Variants in DPYD observed in about 807,000 individuals in gnomAD.
DPYD encodes dihydropyrimidine dehydrogenase [NADP(+)].
Under a neutral mutation model 116.2 loss-of-function variants are expected in DPYD, and 109 were observed. The observed-to-expected ratio is 0.94, with a 90% CI of 0.80 to 1.10. The LOEUF (loss-of-function observed/expected upper bound fraction) is 1.10. Ranked by LOEUF, DPYD falls within the 50% of genes least tolerant of loss-of-function variation. DPYD has a pLI of 0.00. For synonymous variants in DPYD, 440 were observed against 432.0 expected, an observed-to-expected ratio of 1.02 and a Z score of -0.23; for missense variants, 1,302 against 1,254.5, an observed-to-expected ratio of 1.04 and a Z score of -0.57.
intron 3 of DPYD, among the ~76,000 whole-genome samples, chr1:97,822,329 T>G (rs1668987318): frequency 6.8e-6 from 1 of 148,138 alleles, no homozygotes; most frequent in Admixed American, 6.8e-5. Flanking sequence ...TCTGTATATA[T>G]ACACAGATTT....
At chr1:97,737,334 C>T (rs1240535651) in intron 4 of DPYD, among the ~76,000 whole-genome samples, 3 of 152,050 alleles carry the variant, frequency 2.0e-5, no homozygotes, top group African/African-American at 7.2e-5. Flanking sequence ...GAAATCTTAT[C>T]ACTACTTTTT....
At chr1:97,548,154 A>G (rs924597318) in intron 12 of DPYD, among the ~76,000 whole-genome samples, 5 of 152,220 alleles carry the variant, frequency 3.3e-5, no homozygotes, top group African/African-American at 1.2e-4. Context: ...GTAAAAAGGC[A>G]TAGTGTGAGC....
chr1:97,816,559 G>A lies in DPYD; in HGVS notation c.233+11555C>T, dbSNP rs1411918298. On this transcript the variant is annotated intron_variant, in intron 3 of 22. Coordinates refer to ENST00000370192, the MANE Select transcript of DPYD (RefSeq NM_000110.4). ...ATCATAAATAAACTAACACAATGTT[G>A]TCCTTTTATAAGTACCATACTATAC... 2.6e-5 allele frequency among the ~76,000 whole-genome samples: 4 copies of A among 152,040 alleles called. 1 individual carries two copies. Among genetic ancestry groups the A allele is most frequent in the Non-Finnish European group, 5.9e-5 (4 of 68,004 alleles).
intron 3 of DPYD, among the ~76,000 whole-genome samples, chr1:97,766,643 A>C (rs997945763): frequency 6.6e-6 from 1 of 152,154 alleles, no homozygotes; most frequent in Non-Finnish European, 1.5e-5. Flanking sequence ...GTGCTTCTAG[A>C]AATCTTAAAG....
At chr1:97,719,138 C>T (rs956245492) in intron 5 of DPYD, among the ~76,000 whole-genome samples, 2 of 94,516 alleles carry the variant, frequency 2.1e-5, no homozygotes, top group African/African-American at 8.5e-5. Flanking sequence ...ATAGGAATGA[C>T]AACACAAGAT....
intron 20 of DPYD, among the ~76,000 whole-genome samples, chr1:97,191,613 T>C (rs1374003571): frequency 6.6e-6 from 1 of 152,186 alleles, no homozygotes; most frequent in Non-Finnish European, 1.5e-5. Flanking sequence ...TATTTGAATA[T>C]GTAAGTTTTG....
intron 20 of DPYD, among the ~76,000 whole-genome samples, chr1:97,128,742 G>A (rs1027650871): frequency 2.6e-5 from 4 of 152,154 alleles, no homozygotes; most frequent in African/African-American, 7.2e-5. Flanking sequence ...ATGAGCAGAA[G>A]TCTGGAATTG....
At chr1:97,344,964 T>C (rs1669770161) in intron 16 of DPYD, among the ~76,000 whole-genome samples, 1 of 151,970 alleles carries the variant, frequency 6.6e-6, no homozygotes, top group African/African-American at 2.4e-5. Context: ...AAGTGACTGC[T>C]TCCCCACACT....
chr1:97,283,607 A>T (rs1017912438), intron 18 of DPYD, among the ~76,000 whole-genome samples: 3 of 152,032 alleles, frequency 2.0e-5, no homozygotes, highest in African/African-American at 7.2e-5. Flanking sequence ...TTTTATTATA[A>T]CTCAATTTAA....
At chr1:97,243,109 G>T (rs1193246427) in intron 18 of DPYD, among the ~76,000 whole-genome samples, 1 of 151,830 alleles carries the variant, frequency 6.6e-6, no homozygotes, top group Admixed American at 6.6e-5. Context: ...TTGACAGCAA[G>T]ATGCAACAGA....
chr1:97,485,619 C>A (rs1419247428), intron 13 of DPYD, among the ~76,000 whole-genome samples: 1 of 146,476 alleles, frequency 6.8e-6, no homozygotes, highest in Non-Finnish European at 1.5e-5. Context: ...TTAATCAATT[C>A]ATTGAATTTT....
At chr1:97,121,402 A>C (rs1035018036) in intron 20 of DPYD, among the ~76,000 whole-genome samples, 1 of 152,098 alleles carries the variant, frequency 6.6e-6, no homozygotes, top group African/African-American at 2.4e-5. Flanking sequence ...ATATCACTTT[A>C]TAATTTACTT....
rs1650420690 is a variant in DPYD, at chr1:97,098,380, T to C, written c.2766+109A>G. ...GATGTTTTTAAAACTTTCATTATAA[T>C]TCTAAAACCAAATTAGTGATACATT... On this transcript the variant is annotated intron_variant, in intron 21 of 22. Transcript: ENST00000370192. 3.7e-6 allele frequency: 5 copies of C among 1,350,972 alleles called. No individual in the cohort carries two copies. In the Admixed American group the frequency reaches 9.5e-5, roughly 26 times the overall value. 83.7% of individuals were successfully genotyped at this position (1,350,972 alleles called of 1,614,324 possible). A position where few individuals can be genotyped will look rare whatever the true frequency, so the allele number is the denominator to read the frequency against.
At chr1:97,575,793 C>T (rs932352076) in intron 10 of DPYD, among the ~76,000 whole-genome samples, 2 of 152,120 alleles carry the variant, frequency 1.3e-5, no homozygotes, top group Admixed American at 6.5e-5. Flanking sequence ...GGGGAGAACA[C>T]CATCTCATTA....
At chr1:97,241,111 C>T (rs548779158) in intron 18 of DPYD, among the ~76,000 whole-genome samples, 51 of 151,980 alleles carry the variant, frequency 3.4e-4, no homozygotes, top group African/African-American at 1.2e-3. Context: ...ATGTTTTCTC[C>T]AAGTCTTCCT....
At chr1:97,756,799 A>G (rs1665270456) in intron 3 of DPYD, among the ~76,000 whole-genome samples, 1 of 152,178 alleles carries the variant, frequency 6.6e-6, no homozygotes, top group African/African-American at 2.4e-5. Context: ...TAATGCTAAT[A>G]CAAAAGCAGT....
chr1:97,125,063 A>G (rs1350526662), intron 20 of DPYD, among the ~76,000 whole-genome samples: 3 of 152,154 alleles, frequency 2.0e-5, no homozygotes, highest in African/African-American at 4.8e-5. Flanking sequence ...ACCTTTTTAA[A>G]AGGCTTAAAG....
At chr1:97,239,976 C>T (rs1662217198) in intron 18 of DPYD, among the ~76,000 whole-genome samples, 1 of 152,010 alleles carries the variant, frequency 6.6e-6, no homozygotes, top group Non-Finnish European at 1.5e-5. Flanking sequence ...TCAGAGTGAG[C>T]ATTTATGTAG....
intron 20 of DPYD, among the ~76,000 whole-genome samples, chr1:97,189,051 A>C (rs984732410): frequency 3.3e-5 from 5 of 152,176 alleles, no homozygotes; most frequent in Non-Finnish European, 5.9e-5. Context: ...GTTACCAATA[A>C]GCTTTTTTCT....
Sources: allele counts gnomAD v4.1 joint callset (sites outside exome capture counted in the v4.1 genomes callset), GRCh38; gene constraint gnomAD v4.1.1; transcripts MANE v1.5; gene names NCBI Gene and HGNC (gene_info 2026-07-23, HGNC 2026-07-21).